The following CSNK2A2IP variants were observed in gnomAD, a reference collection of about 807,000 sequenced individuals.
CSNK2A2IP encodes casein kinase II subunit alpha'-interacting protein.
At chr3:88,432,961 T>C in the CSNK2A2IP span, among the ~76,000 whole-genome samples, 3 of 151,954 alleles carry the variant, frequency 2.0e-5, no homozygotes, top group African/African-American at 7.2e-5. Flanking sequence ...TTAGTGCTAA[T>C]ACCTGGAAGC....
chr3:88,342,616 G>A, the CSNK2A2IP span, among the ~76,000 whole-genome samples: 9 of 151,026 alleles, frequency 6.0e-5, no homozygotes, highest in Admixed American at 3.3e-4. Context: ...TTTTCTTTTA[G>A]CAATACTCAG....
chr3:88,377,659 A>T, the CSNK2A2IP span, among the ~76,000 whole-genome samples: 1 of 151,894 alleles, frequency 6.6e-6, no homozygotes, highest in East Asian at 1.9e-4. Flanking sequence ...GTACTTTATA[A>T]TTAGCCCTCA....
the CSNK2A2IP span, among the ~76,000 whole-genome samples, chr3:88,346,719 A>G: frequency 2.0e-5 from 3 of 152,024 alleles, no homozygotes; most frequent in Non-Finnish European, 4.4e-5. Context: ...CCATTTATTA[A>G]CAATGCATCT....
At chr3:88,436,172 C>T in the CSNK2A2IP span, among the ~76,000 whole-genome samples, 1 of 152,000 alleles carries the variant, frequency 6.6e-6, no homozygotes, top group African/African-American at 2.4e-5. Context: ...ATATTTTAAA[C>T]ATTATAAACA....
chr3:88,451,215 G>A, the CSNK2A2IP span, among the ~76,000 whole-genome samples: 1 of 152,064 alleles, frequency 6.6e-6, no homozygotes, highest in Non-Finnish European at 1.5e-5. Flanking sequence ...ACAGTATAGA[G>A]TGAACCTGGA....
the CSNK2A2IP span, among the ~76,000 whole-genome samples, chr3:88,407,868 C>T: frequency 1.6e-4 from 24 of 152,006 alleles, no homozygotes; most frequent in South Asian, 4.4e-3. Flanking sequence ...GGATTACAGA[C>T]ACCTGCCATG....
At chr3:88,423,628 T>C in the CSNK2A2IP span, among the ~76,000 whole-genome samples, 1 of 152,098 alleles carries the variant, frequency 6.6e-6, no homozygotes, top group African/African-American at 2.4e-5. Flanking sequence ...CAAGTTTCCA[T>C]GCCTAGGGAG....
the CSNK2A2IP span, among the ~76,000 whole-genome samples, chr3:88,379,975 T>A: frequency 2.0e-5 from 3 of 152,156 alleles, no homozygotes; most frequent in Non-Finnish European, 2.9e-5. Flanking sequence ...GCCACTATAT[T>A]AAACGTTATA....
chr3:88,431,269 C>G, the CSNK2A2IP span: 2 of 152,172 alleles, frequency 1.3e-5, no homozygotes. Flanking sequence ...TCTACTCTTT[C>G]CTTTTTCCCT....
At chr3:88,389,071 A>C in the CSNK2A2IP span, among the ~76,000 whole-genome samples, 1 of 152,140 alleles carries the variant, frequency 6.6e-6, no homozygotes, top group African/African-American at 2.4e-5. Flanking sequence ...CTGCGAGGAG[A>C]TACACAATGA....
chr3:88,416,595 G>T, the CSNK2A2IP span, among the ~76,000 whole-genome samples: 1 of 152,090 alleles, frequency 6.6e-6, no homozygotes, highest in Non-Finnish European at 1.5e-5. Context: ...CAAAGTCTTC[G>T]CTCCTGAAAC....
the CSNK2A2IP span, among the ~76,000 whole-genome samples, chr3:88,388,167 C>A: frequency 6.6e-6 from 1 of 152,120 alleles, no homozygotes; most frequent in South Asian, 2.1e-4. Context: ...TCTAACAATT[C>A]CATGACGTCT....
chr3:88,369,269 G>A, the CSNK2A2IP span, among the ~76,000 whole-genome samples: 1 of 151,894 alleles, frequency 6.6e-6, no homozygotes, highest in Non-Finnish European at 1.5e-5. Flanking sequence ...TATTGACTTT[G>A]TATTCTGCTG....
chr3:88,465,068 C>A, the CSNK2A2IP span: 1 of 253,462 alleles, frequency 3.9e-6, no homozygotes, highest in Non-Finnish European at 7.4e-6. Flanking sequence ...TCTGACCTCT[C>A]CTTACTATTT....
the CSNK2A2IP span, among the ~76,000 whole-genome samples, chr3:88,439,648 A>C: frequency 6.6e-6 from 1 of 151,116 alleles, no homozygotes; most frequent in Non-Finnish European, 1.5e-5. Context: ...AGGCTGAGGC[A>C]GGAGAATTGC....
chr3:88,345,722 G>C, the CSNK2A2IP span, among the ~76,000 whole-genome samples: 10 of 151,718 alleles, frequency 6.6e-5, no homozygotes, highest in East Asian at 3.9e-4. Context: ...ACATTCCCCC[G>C]TCTCTCTTTC....
At chr3:88,424,407 C>A in the CSNK2A2IP span, among the ~76,000 whole-genome samples, 19 of 151,910 alleles carry the variant, frequency 1.3e-4, no homozygotes, top group Non-Finnish European at 2.6e-4. Flanking sequence ...GTTGTACAAA[C>A]AATATTTTAT....
the CSNK2A2IP span, chr3:88,467,387 TG>T: frequency 2.5e-6 from 1 of 398,700 alleles, no homozygotes; most frequent in South Asian, 1.3e-4. Flanking sequence ...TACCATCGGT[TG>T]CCTGCAGGGG....
At chr3:88,402,517 C>T in the CSNK2A2IP span, among the ~76,000 whole-genome samples, 1 of 151,920 alleles carries the variant, frequency 6.6e-6, no homozygotes, top group Admixed American at 6.6e-5. Context: ...ACCTAAATGT[C>T]TATTACTAAA....
Sources: allele counts gnomAD v4.1 joint callset (sites outside exome capture counted in the v4.1 genomes callset), GRCh38; gene constraint gnomAD v4.1.1; transcripts MANE v1.5; gene names NCBI Gene and HGNC (gene_info 2026-07-23, HGNC 2026-07-21).